DDX11: variants seen among roughly 807,000 people sequenced by gnomAD.
DDX11 encodes DEAD/H-box helicase 11.
In DDX11, 72 loss-of-function variants were observed where a neutral mutation model predicts 125.2. That is an observed-to-expected ratio of 0.58 (90% confidence interval 0.48 to 0.70). The LOEUF (loss-of-function observed/expected upper bound fraction) is 0.70, where lower values mean the gene tolerates loss of function less well. DDX11 is among the 30% of genes least tolerant of loss of function. The pLI, the probability that DDX11 is intolerant of heterozygous loss-of-function variation, is 0.00. For missense variants in DDX11, 883 were observed against 1,165.0 expected, an observed-to-expected ratio of 0.76 and a Z score of 3.52; for synonymous variants, 347 against 452.6, an observed-to-expected ratio of 0.77 and a Z score of 2.96.
chr12:31,101,611 G>A (rs1173052524), intron 20 of DDX11: 10 of 600,216 alleles, frequency 1.7e-5, no homozygotes, highest in South Asian at 7.5e-5. Context: ...GCTGTGACAT[G>A]TGTCAGAAAG....
chr12:31,103,498 G>C (rs1387038195), intron 25 of DDX11, 79 bp from the exon 26 acceptor site: 3 of 1,609,892 alleles, frequency 1.9e-6, no homozygotes, highest in Non-Finnish European at 1.7e-6. Flanking sequence ...GTCTGAGGAA[G>C]GGGAGGGGGT....
At chr12:31,090,589 A>T (rs891031536) in intron 9 of DDX11, among the ~76,000 whole-genome samples, 4 of 152,194 alleles carry the variant, frequency 2.6e-5, no homozygotes, top group African/African-American at 4.8e-5. Flanking sequence ...CTCTGCCTCA[A>T]CTTCTCTTGA....
Position 31,083,809 on chromosome 12 carries a change from G to C in DDX11, c.145-4G>C. ...GTTTCTAAAGATCATTTTTCTTCCT[G>C]CAGGGGAAGTCCTTAAGTCTTATTT... On this transcript the variant is annotated splice_region_variant and splice_polypyrimidine_tract_variant and intron_variant, in intron 2 of 26. Coordinates refer to ENST00000542838, the MANE Select transcript of DDX11 (RefSeq NM_030653.4). 6.2e-7 allele frequency: 1 copy of C among 1,611,914 alleles called. No individual in the cohort carries two copies. Among genetic ancestry groups the C allele is most frequent in the Non-Finnish European group, 8.5e-7 (1 of 1,179,820 alleles).
chr12:31,103,853 T>C lies in DDX11; in HGVS notation c.*17T>C, dbSNP rs1946839961. 1.1e-5 allele frequency: 17 copies of C among 1,613,970 alleles called. No individual in the cohort carries two copies. Among genetic ancestry groups the C allele is most frequent in the South Asian group, 2.2e-5 (2 of 91,068 alleles). On this transcript the variant is annotated 3_prime_UTR_variant, in exon 27 of 27. Transcript: ENST00000542838. ...TCTTCCTGATGGGCAACCACACCAC[T>C]GCCTGGCGCCGTGCCCTTCCTTTGT... is the stretch of plus-strand genomic sequence containing the variant.
chr12:31,087,453 C>T (rs996011536), intron 5 of DDX11: 1 of 309,910 alleles, frequency 3.2e-6, no homozygotes, highest in African/African-American at 2.2e-5. Flanking sequence ...TGTGTCAGAG[C>T]AGCCAGGCCT....
chr12:31,077,241 C>G (rs1243108037), intron 1 of DDX11, among the ~76,000 whole-genome samples: 2 of 152,072 alleles, frequency 1.3e-5, no homozygotes, highest in Non-Finnish European at 2.9e-5. Context: ...ATAGCGTTTA[C>G]TTCTCCTTTC....
chr12:31,085,904 T>C, intron 5 of DDX11: 1 of 384,534 alleles, frequency 2.6e-6, no homozygotes. Flanking sequence ...CACCTGATGA[T>C]GAGTCCCGTG....
chr12:31,086,765 G>A (rs180894759), intron 5 of DDX11, among the ~76,000 whole-genome samples: 2 of 142,936 alleles, frequency 1.4e-5, no homozygotes, highest in Non-Finnish European at 3.0e-5. Flanking sequence ...GATAACGTGA[G>A]CCTCGGAGGA....
At chr12:31,089,309 C>G in intron 7 of DDX11, 94 bp from the exon 8 acceptor site, 1 of 1,475,968 alleles carries the variant, frequency 6.8e-7, no homozygotes, top group Non-Finnish European at 9.4e-7. Context: ...CACTGGAAGG[C>G]AAAGGAGAGG....
chr12:31,086,261 A>T lies in DDX11; in HGVS notation c.638+1135A>T, dbSNP rs775414168. 5.1e-5 allele frequency: 22 copies of T among 430,454 alleles called. 1 individual carries two copies. Among genetic ancestry groups the T allele is most frequent in the South Asian group, 3.7e-4 (22 of 59,768 alleles). The allele number at this position is 430,454 out of a possible 1,614,324, so 26.7% of individuals were successfully genotyped here. A position where few individuals can be genotyped will look rare whatever the true frequency, so the allele number is the denominator to read the frequency against. On this transcript the variant is annotated intron_variant, in intron 5 of 26. Transcript: ENST00000542838. ...GTCAGCTGCTCTGTTTTGCTCATGC[A>T]CCTGCTTGTGCTTCTGTTGTTGCCT...
At position 31,103,746 on chromosome 12, in the gene DDX11, T is replaced by C. The variant is rs765535050; in HGVS notation, c.2691+15T>C. The C allele has an allele frequency of 1.2e-6, 2 of 1,613,626 alleles. No homozygotes were observed. The highest frequency in any genetic ancestry group is 1.7e-4 in the Middle Eastern group (1 of 5,764). On this transcript the variant is annotated intron_variant, in intron 26 of 26. Transcript: ENST00000542838. ...CTGTGCAGAAGGTCAGTCCTACCTTTTTCTTTCTGAGAGCCTCCCCACCCC... is the reference window on the plus strand; with the variant it reads ...CTGTGCAGAAGGTCAGTCCTACCTTCTTCTTTCTGAGAGCCTCCCCACCCC...
rs1490430308 is a variant in DDX11, at chr12:31,104,189, T to C, written c.*353T>C. 5.5e-6 allele frequency: 7 copies of C among 1,277,164 alleles called. No homozygotes were observed. The highest frequency in any genetic ancestry group is 2.8e-4 in the Middle Eastern group (1 of 3,606). 79.1% of individuals were successfully genotyped at this position (1,277,164 alleles called of 1,614,324 possible). A position where few individuals can be genotyped will look rare whatever the true frequency, so the allele number is the denominator to read the frequency against. Reference sequence around the variant, plus strand: ...GGCATCCACTGTGGCATCTCCGTCCTGCCCACCTTCTTAAGAGGCGAGATG... The same window carrying C: ...GGCATCCACTGTGGCATCTCCGTCCCGCCCACCTTCTTAAGAGGCGAGATG... On this transcript the variant is annotated 3_prime_UTR_variant, in exon 27 of 27. Coordinates refer to ENST00000542838, the MANE Select transcript of DDX11 (RefSeq NM_030653.4).
chr12:31,093,649 A>T, intron 12 of DDX11: 3 of 343,672 alleles, frequency 8.7e-6, no homozygotes, highest in South Asian at 6.5e-5. Flanking sequence ...CAAACCCGGG[A>T]GGCGGAGGTT....
intron 2 of DDX11, among the ~76,000 whole-genome samples, chr12:31,082,871 T>G (rs1942248859): frequency 6.6e-6 from 1 of 152,190 alleles, no homozygotes; most frequent in Non-Finnish European, 1.5e-5. Context: ...CCCCTTTCCT[T>G]GGCTTATAGG....
chr12:31,091,937 C>T, intron 10 of DDX11, 66 bp downstream of exon 10: 1 of 1,606,472 alleles, frequency 6.2e-7, no homozygotes, highest in Admixed American at 1.7e-5. Context: ...ATGGTTCCTC[C>T]AGACACCTGG....
In DDX11 at chr12:31,091,710, C is replaced by A. The variant is rs777235655; in HGVS notation, c.1090-9C>A. On this transcript the variant is annotated splice_polypyrimidine_tract_variant and intron_variant, in intron 9 of 26. Transcript: ENST00000542838. Reference sequence around the variant, plus strand: ...CGCCCTGCTCAGGTGGCCTCATCTCCCCTCCCAGCTGGTGGTGCTGCCCTA... The same window carrying A: ...CGCCCTGCTCAGGTGGCCTCATCTCACCTCCCAGCTGGTGGTGCTGCCCTA... 1.2e-6 allele frequency: 2 copies of A among 1,605,762 alleles called. No homozygotes were observed. Among genetic ancestry groups the A allele is most frequent in the South Asian group, 2.2e-5 (2 of 89,858 alleles).
In DDX11 at chr12:31,084,002, G is replaced by T. The variant is rs756432362; in HGVS notation, c.334G>T (p.Ala112Ser). The T allele has an allele frequency of 6.2e-7, 1 of 1,613,984 alleles. No homozygotes were observed. Among genetic ancestry groups the T allele is most frequent in the Middle Eastern group, 1.7e-4 (1 of 6,056 alleles). Residue 112 changes from alanine (A) to serine (S), a missense_variant, in exon 3 of 27, where the codon GCC becomes TCC. Coordinates refer to ENST00000542838, the MANE Select transcript of DDX11 (RefSeq NM_030653.4). ...AGTPRPAGEP[A>S]WVTQFVQKKE... Reference sequence around the variant, plus strand: ...CACCCCGAGGCCTGCTGGAGAACCGGCCTGGGTTACTCAGTTTGTGCAGAA... The same window carrying T: ...CACCCCGAGGCCTGCTGGAGAACCGTCCTGGGTTACTCAGTTTGTGCAGAA...
chr12:31,089,427 A>G lies in DDX11; in HGVS notation c.817A>G (p.Lys273Glu). Residue 273 changes from lysine (K) to glutamate (E), a missense_variant, in exon 8 of 27, where the codon AAA (lysine) becomes GAA (glutamate). Physicochemically the swap from Lys to Glu is moderately conservative, Grantham distance 56. Around this residue, in one of 5 missense-constraint regions of DDX11, gnomAD observed 283 missense variants for 359.6 expected, o/e 0.79. Coordinates refer to ENST00000542838, the MANE Select transcript of DDX11 (RefSeq NM_030653.4). ...RQNLCVNEDV[K>E]SLGSVQLIND... ...GAACCTTTGTGTAAATGAAGACGTG[A>G]AAAGCCTAGGTTCTGTGCAGCTTAT... 1 of 1,614,004 alleles carries G rather than the reference A, an allele frequency of 6.2e-7. No individual in the cohort carries two copies. Among genetic ancestry groups the G allele is most frequent in the Non-Finnish European group, 8.5e-7 (1 of 1,179,866 alleles).
chr12:31,094,377 C>T (rs1187774904), intron 12 of DDX11: 14 of 673,254 alleles, frequency 2.1e-5, no homozygotes, highest in East Asian at 5.9e-5. Context: ...TTGGGTTCCA[C>T]GTGCAAGCAC....
Sources: gnomAD v4.1 joint callset for allele counts (sites outside exome capture counted in the v4.1 genomes callset) on GRCh38, gnomAD v4.1.1 for gene constraint, gnomAD v4.1.1 regional missense constraint, MANE v1.5 for transcripts, NCBI Gene and HGNC (gene_info 2026-07-23, HGNC 2026-07-21) for gene names.